ZC3H14: variants seen among roughly 807,000 people sequenced by gnomAD.
ZC3H14 encodes the protein zinc finger CCCH domain-containing protein 14.
A neutral mutation model predicts 92.4 loss-of-function variants in ZC3H14; 31 were observed. The ratio of observed to expected loss-of-function variants is 0.34; its 90% CI spans 0.25 to 0.45. The LOEUF is 0.45. Ranked by LOEUF, ZC3H14 falls within the 20% of genes least tolerant of loss-of-function variation. ZC3H14 has a pLI of 1.00. For synonymous variants in ZC3H14, 321 were observed against 300.9 expected, an observed-to-expected ratio of 1.07 and a Z score of -0.69; for missense variants, 781 against 897.3, an observed-to-expected ratio of 0.87 and a Z score of 1.66.
intron 9 of ZC3H14, among the ~76,000 whole-genome samples, chr14:88,587,544 TC>T (rs555670812): frequency 6.6e-5 from 10 of 152,304 alleles, no homozygotes; most frequent in African/African-American, 2.4e-4. Context: ...TGTCACCTGT[TC>T]TTTTATATTG....
rs1411936763 is a variant in ZC3H14 at position 88,619,419 on chromosome 14, G to GGT, written c.*7669_*7670dup. ...TTAAATAGAGGCGGGGTCTCACTAT[G>GGT]GTCCCAAACTCCTGGCCTCAAGCAA... On this transcript the variant is annotated 3_prime_UTR_variant, in exon 17 of 17. Transcript: ENST00000251038. The GGT allele has an allele frequency of 3.9e-5, 6 of 152,262 alleles. No homozygotes were observed. The highest frequency in any genetic ancestry group is 3.9e-4 in the Admixed American group (6 of 15,276). 9.4% of individuals were successfully genotyped at this position (152,262 alleles called of 1,614,324 possible).
intron 10 of ZC3H14, among the ~76,000 whole-genome samples, 167 bp downstream of exon 10, chr14:88,596,975 A>G (rs1241238967): frequency 6.6e-6 from 1 of 152,084 alleles, no homozygotes; most frequent in East Asian, 1.9e-4. Flanking sequence ...CATTTCTTTC[A>G]TGTTATATAG....
chr14:88,595,865 A>G (rs2083745923), intron 9 of ZC3H14, among the ~76,000 whole-genome samples: 1 of 152,194 alleles, frequency 6.6e-6, no homozygotes, highest in Admixed American at 6.5e-5. Flanking sequence ...CAGTATTTGC[A>G]ACCCTATCAG....
intron 2 of ZC3H14, among the ~76,000 whole-genome samples, chr14:88,566,612 A>C (rs2079659103): frequency 6.6e-6 from 1 of 152,182 alleles, no homozygotes; most frequent in Admixed American, 6.5e-5. Flanking sequence ...GAAATATTAC[A>C]AGTATTTAAG....
chr14:88,613,820 T>G lies in ZC3H14; in HGVS notation c.*2069T>G, dbSNP rs1010245475. On this transcript the variant is annotated 3_prime_UTR_variant, in exon 17 of 17. Transcript: ENST00000251038. Reference sequence around the variant, plus strand: ...CTTAGATACTGCACACAAAAATAATTATCTGGGTTAAAAAAGTAAACATAG... The same window carrying G: ...CTTAGATACTGCACACAAAAATAATGATCTGGGTTAAAAAAGTAAACATAG... 6.6e-6 allele frequency: 1 copy of G among 152,130 alleles called. No homozygotes were observed. The highest frequency in any genetic ancestry group is 1.5e-5 in the Non-Finnish European group (1 of 68,014). The allele number at this position is 152,130 out of a possible 1,614,324, so 9.4% of individuals were successfully genotyped here.
At chr14:88,609,607 C>G in intron 14 of ZC3H14, 105 bp from the exon 15 acceptor site, 1 of 1,421,046 alleles carries the variant, frequency 7.0e-7, no homozygotes, top group Non-Finnish European at 9.9e-7. Context: ...CCTTACCATT[C>G]TAATTTAAAA....
At chr14:88,597,092 GT>G (rs1391673630) in intron 10 of ZC3H14, among the ~76,000 whole-genome samples, 2 of 152,252 alleles carry the variant, frequency 1.3e-5, no homozygotes, top group Admixed American at 1.3e-4. Context: ...AGTGACCTGC[GT>G]TTCTGATTTA....
chr14:88,609,938 C>G (rs757951519), intron 15 of ZC3H14, 135 bp downstream of exon 15: 5 of 950,578 alleles, frequency 5.3e-6, no homozygotes, highest in Non-Finnish European at 8.1e-6. Flanking sequence ...TAAGTTGTTC[C>G]TCGTCACTGA....
Position 88,607,244 on chromosome 14 carries a change from T to C in ZC3H14, c.1749T>C (p.Ala583=), listed in dbSNP as rs1297853801. The C allele has an allele frequency of 8.1e-6, 13 of 1,614,098 alleles. No homozygotes were observed. Among genetic ancestry groups the C allele is most frequent in the Non-Finnish European group, 1.1e-5 (13 of 1,179,974 alleles). The change falls in exon 13 of 17, where the codon GCT becomes GCC. Residue 583 remains alanine (A), a splice_region_variant and synonymous_variant. Coordinates refer to ENST00000251038, the MANE Select transcript of ZC3H14 (RefSeq NM_024824.5). ...CTTTTATTTCCTTTCCCTTTGTAGC[T>C]GAGATGAGTGAACTGAGTGTGGCAC... The part of the protein sequence containing the change: ...LEDPNGSFSN[A]EMSELSVAQK...
chr14:88,625,187 A>G lies in ZC3H14; in HGVS notation c.*13436A>G. 6.3e-7 allele frequency: 1 copy of G among 1,575,468 alleles called. No individual in the cohort carries two copies. The highest frequency in any genetic ancestry group is 8.6e-7 in the Non-Finnish European group (1 of 1,157,590). ...TCAAAAGTTCAAATAGAGTTTAAAT[A>G]GATAATTTTCTATGTATGTGTAATG... On this transcript the variant is annotated 3_prime_UTR_variant, in exon 17 of 17. Coordinates refer to ENST00000251038, the MANE Select transcript of ZC3H14 (RefSeq NM_024824.5).
At chr14:88,596,622 A>T in intron 9 of ZC3H14, 112 bp from the exon 10 acceptor site, 1 of 866,030 alleles carries the variant, frequency 1.2e-6, no homozygotes, top group Non-Finnish European at 1.9e-6. Flanking sequence ...TTGAAGCTTT[A>T]AGTTACTTTT....
At chr14:88,581,296 C>T (rs765526904) in intron 9 of ZC3H14, among the ~76,000 whole-genome samples, 5 of 152,074 alleles carry the variant, frequency 3.3e-5, no homozygotes, top group Non-Finnish European at 5.9e-5. Context: ...CAGTTGCTCA[C>T]GCCTGTAATC....
intron 10 of ZC3H14, among the ~76,000 whole-genome samples, chr14:88,599,832 C>T (rs1036873308): frequency 6.6e-6 from 1 of 152,296 alleles, no homozygotes; most frequent in Admixed American, 6.5e-5. Flanking sequence ...AGCCCCTGGG[C>T]CACTGTTGGG....
chr14:88,583,573 C>T (rs1461348210), intron 9 of ZC3H14, among the ~76,000 whole-genome samples: 1 of 151,992 alleles, frequency 6.6e-6, no homozygotes, highest in Non-Finnish European at 1.5e-5. Flanking sequence ...TTATAATTTT[C>T]ATCATTGAAA....
At chr14:88,563,718 C>G (rs754619916) in intron 2 of ZC3H14, 25 bp downstream of exon 2, 3 of 1,607,874 alleles carry the variant, frequency 1.9e-6, no homozygotes, top group Non-Finnish European at 2.6e-6. Context: ...GGTTGTTAGT[C>G]TTACAGAATT....
intron 12 of ZC3H14, 68 bp downstream of exon 12, chr14:88,603,128 C>T (rs912692349): frequency 1.2e-5 from 17 of 1,471,524 alleles, no homozygotes; most frequent in Admixed American, 1.7e-5. Flanking sequence ...GTTTCTCTAC[C>T]TTGAATGAAT....
rs748478213 is a variant in ZC3H14 at position 88,601,945 on chromosome 14, T to C, written c.1376T>C (p.Met459Thr). 2 of 1,614,110 alleles carry C rather than the reference T, an allele frequency of 1.2e-6. No individual in the cohort carries two copies. Among genetic ancestry groups the C allele is most frequent in the Non-Finnish European group, 1.7e-6 (2 of 1,179,966 alleles). ...MSQDYYDMES[M>T]VHADTRSFIL... ...TCAGATTACTATGACATGGAATCCA[T>C]GGTCCATGCAGACACAAGATCATTT... The change falls in exon 11 of 17, where the codon ATG (methionine) becomes ACG (threonine). Residue 459 changes from methionine to threonine, a missense_variant. By Grantham distance (81) the Met-to-Thr change is moderately conservative (BLOSUM62 -1). Transcript: ENST00000251038.
At chr14:88,604,357 G>A (rs1595066888) in intron 12 of ZC3H14, among the ~76,000 whole-genome samples, 1 of 152,240 alleles carries the variant, frequency 6.6e-6, no homozygotes, top group East Asian at 1.9e-4. Flanking sequence ...GCTGCTCAAG[G>A]ATGAAGCTTT....
At chr14:88,602,163 C>G in intron 11 of ZC3H14, 80 bp downstream of exon 11, 1 of 1,591,026 alleles carries the variant, frequency 6.3e-7, no homozygotes, top group Non-Finnish European at 8.6e-7. Context: ...AGCTTCCCTC[C>G]TCCCCGCCCT....
Sources: gnomAD v4.1 joint callset for allele counts (sites outside exome capture counted in the v4.1 genomes callset) on GRCh38, gnomAD v4.1.1 for gene constraint, MANE v1.5 for transcripts, NCBI Gene and HGNC (gene_info 2026-07-23, HGNC 2026-07-21) for gene names.